C3orf20: variants seen among roughly 807,000 people sequenced by gnomAD.
C3orf20 encodes the protein uncharacterized protein C3orf20.
In C3orf20, 76 loss-of-function variants were observed where a neutral mutation model predicts 88.3. The ratio of observed to expected loss-of-function variants is 0.86; its 90% CI spans 0.72 to 1.04. C3orf20 has a LOEUF of 1.04. C3orf20 is among the 50% of genes least tolerant of loss of function. The pLI, the probability that C3orf20 is intolerant of heterozygous loss-of-function variation, is 0.00. For missense variants in C3orf20, 1,056 were observed against 1,123.3 expected, an observed-to-expected ratio of 0.94 and a Z score of 0.86; for synonymous variants, 436 against 437.4, an observed-to-expected ratio of 1.00 and a Z score of 0.04.
At chr3:14,685,925 G>T (rs1015074290) in intron 4 of C3orf20, among the ~76,000 whole-genome samples, 1 of 128,038 alleles carries the variant, frequency 7.8e-6, no homozygotes, top group Non-Finnish European at 1.5e-5. Context: ...GCAGTGGCAC[G>T]ATCTTGGCTC....
At chr3:14,743,851 A>G (rs2034985059) in intron 12 of C3orf20, among the ~76,000 whole-genome samples, 2 of 152,084 alleles carry the variant, frequency 1.3e-5, no homozygotes, top group South Asian at 4.1e-4. Context: ...CAGCTGGGAC[A>G]CAGGGCACCA....
intron 9 of C3orf20, among the ~76,000 whole-genome samples, chr3:14,720,712 G>A (rs1009475017): frequency 1.1e-4 from 17 of 152,342 alleles, no homozygotes; most frequent in South Asian, 4.1e-4. Context: ...GGGTCCCTGC[G>A]TATAAATTGT....
chr3:14,755,246 A>G (rs902243472), intron 12 of C3orf20, among the ~76,000 whole-genome samples: 4 of 151,308 alleles, frequency 2.6e-5, no homozygotes, highest in Non-Finnish European at 5.9e-5. Context: ...TTTTTTGTGT[A>G]TGTGTATTTT....
intron 10 of C3orf20, among the ~76,000 whole-genome samples, chr3:14,722,819 T>C (rs1051806641): frequency 3.9e-5 from 6 of 152,210 alleles, no homozygotes; most frequent in African/African-American, 1.4e-4. Flanking sequence ...TGGATCCTAC[T>C]GTGTATCTGG....
Position 14,726,999 on chromosome 3 carries a change from CATTA to C in C3orf20, c.1669_1672del (p.Asn557LeufsTer27). ...GGTTTCAGAAGACAGTGACTCAGTT[CATTA>C]ATTCTATCTTGCTGGCCGCAGGTAA... On this transcript the variant is annotated frameshift_variant, in exon 11 of 17. Transcript: ENST00000253697. LOFTEE classifies it high-confidence loss of function. The C allele has an allele frequency of 3.7e-6, 6 of 1,614,166 alleles. No homozygotes were observed. The highest frequency in any genetic ancestry group is 5.1e-6 in the Non-Finnish European group (6 of 1,180,032).
chr3:14,749,222 A>G (rs1052193899), intron 12 of C3orf20, among the ~76,000 whole-genome samples: 3 of 152,070 alleles, frequency 2.0e-5, no homozygotes, highest in African/African-American at 7.2e-5. Flanking sequence ...TCCCATAATA[A>G]TTTTTTACTT....
At chr3:14,762,041 T>C (rs772497300) in intron 15 of C3orf20, among the ~76,000 whole-genome samples, 16 of 152,208 alleles carry the variant, frequency 1.1e-4, no homozygotes, top group Non-Finnish European at 1.8e-4. Context: ...CACCACCTCA[T>C]GTGCAAGCTG....
At chr3:14,706,943 C>T (rs1449768154) in intron 7 of C3orf20, among the ~76,000 whole-genome samples, 3 of 151,988 alleles carry the variant, frequency 2.0e-5, no homozygotes, top group African/African-American at 7.2e-5. Flanking sequence ...GCTGGTCAAG[C>T]TCTCAGGCAA....
At chr3:14,716,887 T>C (rs1209700827) in intron 9 of C3orf20, among the ~76,000 whole-genome samples, 1 of 152,206 alleles carries the variant, frequency 6.6e-6, no homozygotes, top group Non-Finnish European at 1.5e-5. Context: ...ATTTCTGTGG[T>C]TTTCACAAAC....
intron 1 of C3orf20, among the ~76,000 whole-genome samples, chr3:14,677,701 A>G (rs2031851772): frequency 6.6e-6 from 1 of 152,040 alleles, no homozygotes; most frequent in East Asian, 1.9e-4. Context: ...GGGTTTCACC[A>G]TGTTGGCCAG....
At chr3:14,733,672 AT>A (rs1409401893) in intron 12 of C3orf20, among the ~76,000 whole-genome samples, 1 of 150,434 alleles carries the variant, frequency 6.6e-6, no homozygotes, top group Non-Finnish European at 1.5e-5. Context: ...TTTTATCTAA[AT>A]GTTTAAATAT....
intron 5 of C3orf20, among the ~76,000 whole-genome samples, chr3:14,693,124 G>A (rs1035330076): frequency 1.3e-5 from 2 of 152,070 alleles, no homozygotes; most frequent in Non-Finnish European, 2.9e-5. Context: ...GGTTACTATA[G>A]CTCTGTTGTA....
At chr3:14,710,145 G>T (rs1012255353) in intron 7 of C3orf20, among the ~76,000 whole-genome samples, 3 of 151,482 alleles carry the variant, frequency 2.0e-5, no homozygotes, top group African/African-American at 4.8e-5. Context: ...TGACTTTATG[G>T]TGTACAGCTA....
chr3:14,772,711 TCCTGGCCCAACCGGG>T lies in C3orf20; in HGVS notation c.2631-74_2631-60del. On this transcript the variant is annotated intron_variant, in intron 16 of 16. Coordinates refer to ENST00000253697, the MANE Select transcript of C3orf20 (RefSeq NM_032137.5). The surrounding 1 kb of genome is among the most constrained non-coding windows in gnomAD (Gnocchi z 4.2). ...TGTGCAAGGGAGAGGGCCTTGCCCC[TCCTGGCCCAACCGGG>T]CCTGGGCTCTGGGCACTGTGAAGAA... 1 of 1,198,896 alleles carries T rather than the reference TCCTGGCCCAACCGGG, an allele frequency of 8.3e-7. No homozygotes were observed. Among genetic ancestry groups the T allele is most frequent in the South Asian group, 1.3e-5 (1 of 79,146 alleles). 74.3% of individuals were successfully genotyped at this position (1,198,896 alleles called of 1,614,324 possible).
intron 12 of C3orf20, among the ~76,000 whole-genome samples, chr3:14,732,887 G>A (rs2034584756): frequency 1.2e-5 from 1 of 82,662 alleles, no homozygotes; most frequent in African/African-American, 4.0e-5. Flanking sequence ...AAGGTATAGT[G>A]TATGAATTGA....
At chr3:14,730,277 G>C in intron 12 of C3orf20, among the ~76,000 whole-genome samples, 1 of 152,140 alleles carries the variant, frequency 6.6e-6, no homozygotes, top group Non-Finnish European at 1.5e-5. Context: ...GCCGGGTGCG[G>C]TGGCCCACGC....
intron 5 of C3orf20, among the ~76,000 whole-genome samples, chr3:14,692,420 C>T (rs904078390): frequency 6.6e-6 from 1 of 152,150 alleles, no homozygotes; most frequent in Non-Finnish European, 1.5e-5. Flanking sequence ...TGTTGCCTGT[C>T]TTTTGGACAA....
rs2124989104 is a variant in C3orf20, at chr3:14,728,655, C to G, written c.1907C>G (p.Thr636Ser). 6.2e-7 allele frequency: 1 copy of G among 1,613,846 alleles called. No individual in the cohort carries two copies. The highest frequency in any genetic ancestry group is 2.2e-5 in the East Asian group (1 of 44,888). ...CCTGTGAGCCCAGTTCGGAAGACCA[C>G]CAAAATCCACACCAAAGCCAAGGTC... ...SAPVSPVRKTTKIHTKAKVTS... is the reference protein window; with the variant it reads ...SAPVSPVRKTSKIHTKAKVTS... The change falls in exon 12 of 17, where the codon ACC (threonine) becomes AGC (serine). Residue 636 changes from threonine to serine, a missense_variant. Coordinates refer to ENST00000253697, the MANE Select transcript of C3orf20 (RefSeq NM_032137.5).
At chr3:14,756,338 T>C (rs1211106050) in intron 12 of C3orf20, among the ~76,000 whole-genome samples, 1 of 151,830 alleles carries the variant, frequency 6.6e-6, no homozygotes, top group African/African-American at 2.4e-5. Context: ...CCAACAAATA[T>C]TGGTTTGAAT....
Sources: gnomAD v4.1 joint callset for allele counts (sites outside exome capture counted in the v4.1 genomes callset) on GRCh38, gnomAD v4.1.1 for gene constraint, Gnocchi (gnomAD v3.1) non-coding constraint, MANE v1.5 for transcripts, NCBI Gene and HGNC (gene_info 2026-07-23, HGNC 2026-07-21) for gene names.